The following RBM23 variants were observed in gnomAD, a reference collection of about 807,000 sequenced individuals.
RBM23 encodes the protein probable RNA-binding protein 23.
RBM23 carries 53 observed loss-of-function variants against 56.2 expected under a neutral mutation model. The ratio of observed to expected loss-of-function variants is 0.94; its 90% CI spans 0.76 to 1.19. The LOEUF (loss-of-function observed/expected upper bound fraction) is 1.19, where lower values mean the gene tolerates loss of function less well. Ranked by LOEUF, RBM23 falls within the 50% of genes most tolerant of loss-of-function variation. The probability of loss-of-function intolerance (pLI) is 0.00; values close to 1 mark genes in which losing one functional copy is unlikely to be tolerated. For missense variants in RBM23, 642 were observed against 590.3 expected (o/e 1.09, Z -0.91); for synonymous variants, 197 against 198.5 (o/e 0.99, Z 0.06).
chr14:22,900,682 A>C lies in RBM23; in HGVS notation c.*1048T>G, dbSNP rs1390705225. 6.6e-6 allele frequency: 1 copy of C among 152,198 alleles called. No homozygotes were observed. The highest frequency in any genetic ancestry group is 2.4e-5 in the African/African-American group (1 of 41,444). 9.4% of individuals were successfully genotyped at this position (152,198 alleles called of 1,614,324 possible). On this transcript the variant is annotated 3_prime_UTR_variant, in exon 14 of 14. Coordinates refer to ENST00000359890, the MANE Select transcript of RBM23 (RefSeq NM_001077351.2). ...TGTTTTATATCCCTAGAAACATCAT[A>C]AGTTGGGCTAATGAGAAGTTGTCAG...
At chr14:22,912,925 A>T (rs540939487) in intron 1 of RBM23, among the ~76,000 whole-genome samples, 1 of 127,670 alleles carries the variant, frequency 7.8e-6, no homozygotes, top group East Asian at 2.8e-4. Flanking sequence ...ACTTGAACCC[A>T]GGAGGCGGAG....
intron 2 of RBM23, 46 bp downstream of exon 2, chr14:22,911,282 C>T: frequency 6.7e-7 from 1 of 1,493,570 alleles, no homozygotes; most frequent in Non-Finnish European, 9.3e-7. Context: ...TCGACAACTA[C>T]TCTTTCTCAT....
Position 22,905,179 on chromosome 14 carries a change from A to T in RBM23, c.641T>A (p.Phe214Tyr). 6.2e-7 allele frequency: 1 copy of T among 1,614,232 alleles called. No homozygotes were observed. Among genetic ancestry groups the T allele is most frequent in the South Asian group, 1.1e-5 (1 of 91,088 alleles). Residue 214 changes from phenylalanine to tyrosine, a missense_variant, in exon 8 of 14, where the codon TTC becomes TAC. Physicochemically the swap from Phe to Tyr is conservative, Grantham distance 22. Coordinates refer to ENST00000359890, the MANE Select transcript of RBM23 (RefSeq NM_001077351.2). Reference protein sequence around the residue: ...RRSKGIAYVEFCEIQSVPLAI... With the variant: ...RRSKGIAYVEYCEIQSVPLAI... The stretch of plus-strand genomic sequence containing the variant: ...CAGTGGCACAGACTGGATTTCACAG[A>T]ATTCCACGTAGGCAATGCCCTTAGA...
At chr14:22,907,872 G>A (rs1042172846) in intron 4 of RBM23, among the ~76,000 whole-genome samples, 29 of 152,070 alleles carry the variant, frequency 1.9e-4, no homozygotes, top group African/African-American at 5.1e-4. Flanking sequence ...TCTTTGTGTC[G>A]TAGTTTTCAA....
intron 1 of RBM23, among the ~76,000 whole-genome samples, chr14:22,916,759 C>T (rs565205215): frequency 3.4e-4 from 51 of 152,162 alleles, no homozygotes; most frequent in African/African-American, 1.1e-3. Flanking sequence ...AATAATCAGT[C>T]CCATTAGCTA....
chr14:22,909,341 T>G lies in RBM23; in HGVS notation c.179+142A>C, dbSNP rs140442221. The G allele has an allele frequency of 4.1e-4, 288 of 708,188 alleles. 2 individuals carry two copies. In the African/African-American group the frequency reaches 4.4e-3, roughly 11 times the overall value. 43.9% of individuals were successfully genotyped at this position (708,188 alleles called of 1,614,324 possible). A position where few individuals can be genotyped will look rare whatever the true frequency, so the allele number is the denominator to read the frequency against. On this transcript the variant is annotated intron_variant, in intron 3 of 13. Transcript: ENST00000359890. ...ACTAGATAATTAAATCAAGTCACCA[T>G]TATTCTCATGACCTAGGTGGAGCCA...
At position 22,902,305 on chromosome 14, in the gene RBM23, A is replaced by G; in HGVS notation, c.1008T>C (p.Val336=). Residue 336 remains valine, a synonymous_variant, in exon 11 of 14, where the codon GTT becomes GTC. Coordinates refer to ENST00000359890, the MANE Select transcript of RBM23 (RefSeq NM_001077351.2). ...GFELAGRPMR[V]GHVTERLDGG... is the part of the protein sequence containing the mutation. ...CATCCAGTCGCTCAGTCACATGGCC[A>G]ACCCTCATAGGTCGACCAGCAAGCT... 1 of 1,614,192 alleles carries G rather than the reference A, an allele frequency of 6.2e-7. No individual in the cohort carries two copies. The highest frequency in any genetic ancestry group is 8.5e-7 in the Non-Finnish European group (1 of 1,180,038).
Position 22,902,023 on chromosome 14 carries a change from A to G in RBM23, c.1203T>C (p.Asn401=), listed in dbSNP as rs759023272. 1.9e-6 allele frequency: 3 copies of G among 1,612,174 alleles called. No homozygotes were observed. Among genetic ancestry groups the G allele is most frequent in the Non-Finnish European group, 2.5e-6 (3 of 1,179,182 alleles). The change falls in exon 12 of 14, where the codon AAT becomes AAC. Residue 401 remains asparagine, a synonymous_variant. Transcript: ENST00000359890. ...AAAQAAALQL[N]GAVPLGALNP... ...TCAGGGCCCCCAAGGGAACTGCTCCATTCAGTTGCAAGGCAGCAGCCTGGG... is the reference window on the plus strand; with the variant it reads ...TCAGGGCCCCCAAGGGAACTGCTCCGTTCAGTTGCAAGGCAGCAGCCTGGG...
Position 22,905,946 on chromosome 14 carries a change from C to T in RBM23, c.401+249G>A, listed in dbSNP as rs746791950. ...TGCATTTTTTGTAGAACCAGGGTTT[C>T]GCCATGTTGTCCTGGCTGGTCTTGA... On this transcript the variant is annotated intron_variant, in intron 5 of 13. Coordinates refer to ENST00000359890, the MANE Select transcript of RBM23 (RefSeq NM_001077351.2). 1.1e-3 allele frequency: 638 copies of T among 596,760 alleles called. 9 individuals carry two copies. Among genetic ancestry groups the T allele is most frequent in the Non-Finnish European group, 2.3e-4 (79 of 340,610 alleles). 37.0% of individuals were successfully genotyped at this position (596,760 alleles called of 1,614,324 possible).
Position 22,904,968 on chromosome 14 carries a change from C to T in RBM23, c.771G>A (p.Lys257=). ...AGAGGCGCATTGGTCCACCATTGCC[C>T]TTTTGCAGGTTGTTGGCCATGGCTG... ...RLAAMANNLQ[K]GNGGPMRLYV... is the part of the protein sequence containing the mutation. Residue 257 remains lysine, a synonymous_variant, in exon 9 of 14, where the codon AAG becomes AAA. Transcript: ENST00000359890. 6.2e-7 allele frequency: 1 copy of T among 1,614,220 alleles called. No individual in the cohort carries two copies. Among genetic ancestry groups the T allele is most frequent in the Non-Finnish European group, 8.5e-7 (1 of 1,180,044 alleles).
At position 22,902,008 on chromosome 14, in the gene RBM23, C is replaced by T. The variant is rs749275186; in HGVS notation, c.1218G>A (p.Leu406=). Reference sequence around the variant, plus strand: ...TCAGAGCTGCTGGATTCAGGGCCCCCAAGGGAACTGCTCCATTCAGTTGCA... The same window carrying T: ...TCAGAGCTGCTGGATTCAGGGCCCCTAAGGGAACTGCTCCATTCAGTTGCA... ...AALQLNGAVP[L]GALNPAALTA... Residue 406 remains leucine, a synonymous_variant, in exon 12 of 14, where the codon TTG becomes TTA. Transcript: ENST00000359890. 1.9e-6 allele frequency: 3 copies of T among 1,612,228 alleles called. No individual in the cohort carries two copies. Among genetic ancestry groups the T allele is most frequent in the African/African-American group, 1.3e-5 (1 of 74,886 alleles).
At chr14:22,912,406 G>A (rs1016033256) in intron 1 of RBM23, among the ~76,000 whole-genome samples, 15 of 152,106 alleles carry the variant, frequency 9.9e-5, no homozygotes, top group Non-Finnish European at 1.6e-4. Context: ...AGACAGGCTC[G>A]ACTAATCCCA....
chr14:22,909,348 C>G, intron 3 of RBM23, 135 bp downstream of exon 3: 2 of 721,756 alleles, frequency 2.8e-6, no homozygotes, highest in Non-Finnish European at 4.9e-6. Flanking sequence ...CCATTATTCT[C>G]ATGACCTAGG....
chr14:22,902,323 A>G lies in RBM23; in HGVS notation c.990T>C (p.Ala330=). The G allele has an allele frequency of 6.2e-7, 1 of 1,614,184 alleles. No homozygotes were observed. Among genetic ancestry groups the G allele is most frequent in the Non-Finnish European group, 8.5e-7 (1 of 1,180,030 alleles). ...ALEQLNGFEL[A]GRPMRVGHVT... Reference sequence around the variant, plus strand: ...CATGGCCAACCCTCATAGGTCGACCAGCAAGCTCAAACCCATTCAACTGTT... The same window carrying G: ...CATGGCCAACCCTCATAGGTCGACCGGCAAGCTCAAACCCATTCAACTGTT... Residue 330 remains alanine (A), a synonymous_variant, in exon 11 of 14, where the codon GCT becomes GCC. Transcript: ENST00000359890.
In RBM23 at chr14:22,908,391, G is replaced by A. The variant is rs2041923024; in HGVS notation, c.180-11C>T. On this transcript the variant is annotated splice_polypyrimidine_tract_variant and intron_variant, in intron 3 of 13. Coordinates refer to ENST00000359890, the MANE Select transcript of RBM23 (RefSeq NM_001077351.2). Reference sequence around the variant, plus strand: ...CGACTCCTCTTCTTCCTGTGAAAGAGAGTACATTCTTCTTTTTTTTTTTTT... The same window carrying A: ...CGACTCCTCTTCTTCCTGTGAAAGAAAGTACATTCTTCTTTTTTTTTTTTT... The A allele has an allele frequency of 6.5e-7, 1 of 1,544,898 alleles. No individual in the cohort carries two copies. The highest frequency in any genetic ancestry group is 1.2e-5 in the South Asian group (1 of 83,792).
intron 9 of RBM23, 74 bp from the exon 10 acceptor site, chr14:22,904,400 T>A: frequency 1.0e-5 from 7 of 693,598 alleles, no homozygotes; most frequent in Non-Finnish European, 1.4e-5. Context: ...CCAGACTGCT[T>A]TTTTTTTTTT....
In RBM23 at chr14:22,897,360, A is replaced by G. The variant is rs1249939742; in HGVS notation, c.*4370T>C. 6.6e-6 allele frequency: 1 copy of G among 152,196 alleles called. No homozygotes were observed. Among genetic ancestry groups the G allele is most frequent in the East Asian group, 1.9e-4 (1 of 5,194 alleles). 9.4% of individuals were successfully genotyped at this position (152,196 alleles called of 1,614,324 possible). A position where few individuals can be genotyped will look rare whatever the true frequency, so the allele number is the denominator to read the frequency against. ...CCACAAGAGGACAAAGAATACTGAA[A>G]AGAGAGATCAACTCCACCTAGGAAA... On this transcript the variant is annotated 3_prime_UTR_variant, in exon 14 of 14. Coordinates refer to ENST00000359890, the MANE Select transcript of RBM23 (RefSeq NM_001077351.2).
At chr14:22,916,065 A>G (rs1462829651) in intron 1 of RBM23, among the ~76,000 whole-genome samples, 4 of 152,078 alleles carry the variant, frequency 2.6e-5, no homozygotes, top group Non-Finnish European at 5.9e-5. Context: ...AAAATATAAA[A>G]ATTAGCCACG....
intron 10 of RBM23, 109 bp from the exon 11 acceptor site, chr14:22,902,491 A>C (rs907915520): frequency 6.9e-7 from 1 of 1,441,980 alleles, no homozygotes; most frequent in South Asian, 1.6e-5. Flanking sequence ...ATGCTCACTG[A>C]GGTACAAACT....
Sources: allele counts gnomAD v4.1 joint callset (sites outside exome capture counted in the v4.1 genomes callset), GRCh38; gene constraint gnomAD v4.1.1; transcripts MANE v1.5; gene names NCBI Gene and HGNC (gene_info 2026-07-23, HGNC 2026-07-21).